Variants in RAPGEF4 observed in about 807,000 individuals in gnomAD.
The protein encoded by RAPGEF4 is RAP guanine-nucleotide-exchange factor (GEF) 4.
A neutral mutation model predicts 147.9 loss-of-function variants in RAPGEF4; 66 were observed. The ratio of observed to expected loss-of-function variants is 0.45; its 90% CI spans 0.37 to 0.55. The LOEUF is 0.55. RAPGEF4 is among the 20% of genes least tolerant of loss of function. RAPGEF4 has a pLI of 0.00. For missense variants in RAPGEF4, 1,071 were observed against 1,257.3 expected (o/e 0.85, Z 2.24); for synonymous variants, 419 against 442.7 (o/e 0.95, Z 0.67).
In RAPGEF4 at chr2:173,030,145, C is replaced by CTGTGTTTCA; in HGVS notation, c.2559-19_2559-18insTGTGTTTCA. The CTGTGTTTCA allele has an allele frequency of 6.5e-7, 1 of 1,532,512 alleles. No homozygotes were observed. The highest frequency in any genetic ancestry group is 9.0e-7 in the Non-Finnish European group (1 of 1,106,320). The allele number at this position is 1,532,512 out of a possible 1,614,324, so 94.9% of individuals were successfully genotyped here. A position where few individuals can be genotyped will look rare whatever the true frequency, so the allele number is the denominator to read the frequency against. On this transcript the variant is annotated intron_variant, in intron 25 of 30. Coordinates refer to ENST00000397081, the MANE Select transcript of RAPGEF4 (RefSeq NM_007023.4). Reference sequence around the variant, plus strand: ...ACAGAAGTAACATTTTACTCAAACACGCATCTCCTGTGTTTCAGCTGTAAG... The same window carrying CTGTGTTTCA: ...ACAGAAGTAACATTTTACTCAAACACTGTGTTTCAGCATCTCCTGTGTTTCAGCTGTAAG...
intron 4 of RAPGEF4, among the ~76,000 whole-genome samples, chr2:172,908,434 T>G (rs1387674112): frequency 6.6e-6 from 1 of 152,230 alleles, no homozygotes; most frequent in Non-Finnish European, 1.5e-5. Flanking sequence ...CAGTTTTTGT[T>G]GACAAACCTT....
intron 17 of RAPGEF4, among the ~76,000 whole-genome samples, chr2:173,001,776 CTT>C (rs1342154829): frequency 6.6e-6 from 1 of 151,810 alleles, no homozygotes; most frequent in African/African-American, 2.4e-5. Context: ...GTGGCAAACA[CTT>C]TTAAACGACC....
At chr2:172,915,553 G>A (rs907430076) in intron 4 of RAPGEF4, among the ~76,000 whole-genome samples, 3 of 151,444 alleles carry the variant, frequency 2.0e-5, no homozygotes, top group Non-Finnish European at 4.4e-5. Flanking sequence ...AAAAAAATTA[G>A]CCAGGCATGG....
intron 26 of RAPGEF4, among the ~76,000 whole-genome samples, chr2:173,031,781 T>G (rs1030770359): frequency 2.0e-5 from 3 of 152,232 alleles, no homozygotes; most frequent in African/African-American, 7.2e-5. Context: ...CACTGAATGT[T>G]GCTGAAAAGA....
intron 4 of RAPGEF4, among the ~76,000 whole-genome samples, chr2:172,854,141 G>A (rs1198497512): frequency 6.6e-6 from 1 of 151,902 alleles, no homozygotes; most frequent in African/African-American, 2.4e-5. Flanking sequence ...GGTCTTATAT[G>A]TCCCCACTGA....
At chr2:172,999,927 C>T (rs1396792295) in intron 16 of RAPGEF4, among the ~76,000 whole-genome samples, 1 of 152,174 alleles carries the variant, frequency 6.6e-6, no homozygotes, top group Non-Finnish European at 1.5e-5. Context: ...AACTGACTCC[C>T]TCCCCAGCCT....
chr2:172,751,868 G>C (rs1390888238), intron 1 of RAPGEF4, among the ~76,000 whole-genome samples: 1 of 152,156 alleles, frequency 6.6e-6, no homozygotes, highest in African/African-American at 2.4e-5. Flanking sequence ...AACTGCTTTT[G>C]TTGATGTAAT....
intron 27 of RAPGEF4, among the ~76,000 whole-genome samples, chr2:173,034,541 A>C (rs1192417980): frequency 6.6e-6 from 1 of 152,150 alleles, no homozygotes; most frequent in Non-Finnish European, 1.5e-5. Flanking sequence ...GGGGAAAAGA[A>C]AACTCCAAAT....
At chr2:173,003,187 G>A (rs1446115058) in intron 17 of RAPGEF4, among the ~76,000 whole-genome samples, 5 of 151,968 alleles carry the variant, frequency 3.3e-5, no homozygotes, top group East Asian at 3.9e-4. Flanking sequence ...CCCTTCAAGG[G>A]TTGACTGAGA....
At chr2:173,013,388 T>C (rs1391070796) in intron 17 of RAPGEF4, among the ~76,000 whole-genome samples, 16 of 152,252 alleles carry the variant, frequency 1.1e-4, no homozygotes, top group Non-Finnish European at 5.9e-5. Flanking sequence ...TATGCTTCTT[T>C]AGTTTCAGTT....
chr2:172,916,015 T>C (rs1015222856), intron 4 of RAPGEF4, among the ~76,000 whole-genome samples: 18 of 152,166 alleles, frequency 1.2e-4, no homozygotes, highest in African/African-American at 4.1e-4. Flanking sequence ...ACACTGTACA[T>C]AGTAGATGCT....
At chr2:172,876,838 T>A (rs1056149006) in intron 4 of RAPGEF4, among the ~76,000 whole-genome samples, 3 of 152,164 alleles carry the variant, frequency 2.0e-5, no homozygotes, top group Admixed American at 6.5e-5. Context: ...CAGCTCCTCC[T>A]TGTATGGTAG....
At chr2:173,021,999 C>T (rs971156824) in intron 23 of RAPGEF4, among the ~76,000 whole-genome samples, 5 of 152,104 alleles carry the variant, frequency 3.3e-5, no homozygotes, top group Non-Finnish European at 5.9e-5. Context: ...TAGTCATCTA[C>T]ATTCATTGCT....
At chr2:172,923,893 A>C (rs1685014055) in intron 6 of RAPGEF4, among the ~76,000 whole-genome samples, 1 of 152,128 alleles carries the variant, frequency 6.6e-6, no homozygotes, top group South Asian at 2.1e-4. Flanking sequence ...CCTACCCTTT[A>C]ATAAATTAAC....
intron 1 of RAPGEF4, among the ~76,000 whole-genome samples, chr2:172,791,421 C>A: frequency 6.6e-6 from 1 of 152,092 alleles, no homozygotes; most frequent in Admixed American, 6.5e-5. Flanking sequence ...AAGGAGGTCC[C>A]AGACATGAAC....
rs540707297 is a variant in RAPGEF4, at chr2:172,999,875, G to A, written c.1580-1391G>A. Among the ~76,000 whole-genome samples, 7 of 152,286 alleles carry A rather than the reference G, an allele frequency of 4.6e-5. No individual in the cohort carries two copies. In the South Asian group the frequency reaches 1.2e-3, roughly 27 times the overall value. On this transcript the variant is annotated intron_variant, in intron 16 of 30. Transcript: ENST00000397081. ...AGTTGCTACATGTGAGGAGAGAGCCGGAAAGCCACACTGAAATGTGAGCTG... is the reference window on the plus strand; with the variant it reads ...AGTTGCTACATGTGAGGAGAGAGCCAGAAAGCCACACTGAAATGTGAGCTG...
At chr2:172,855,032 A>C (rs1161639773) in intron 4 of RAPGEF4, among the ~76,000 whole-genome samples, 1 of 152,174 alleles carries the variant, frequency 6.6e-6, no homozygotes, top group East Asian at 1.9e-4. Context: ...AGTAGATCTA[A>C]AAATCACTGC....
intron 6 of RAPGEF4, among the ~76,000 whole-genome samples, chr2:172,945,951 T>G (rs1238327109): frequency 1.3e-5 from 2 of 152,218 alleles, no homozygotes; most frequent in Admixed American, 6.5e-5. Flanking sequence ...ATCCCTGGCC[T>G]GGGTTTTCTA....
intron 1 of RAPGEF4, among the ~76,000 whole-genome samples, chr2:172,789,002 C>T (rs2149529556): frequency 6.6e-6 from 1 of 152,352 alleles, no homozygotes; most frequent in Non-Finnish European, 1.5e-5. Context: ...TCAGTTCTTG[C>T]AGTGGTAAGC....
Sources: gnomAD v4.1 joint callset for allele counts (sites outside exome capture counted in the v4.1 genomes callset) on GRCh38, gnomAD v4.1.1 for gene constraint, MANE v1.5 for transcripts, NCBI Gene and HGNC (gene_info 2026-07-23, HGNC 2026-07-21) for gene names.